RELB: variants seen among roughly 807,000 people sequenced by gnomAD.
RELB encodes the protein transcription factor RelB.
Under a neutral mutation model 55.4 loss-of-function variants are expected in RELB, and 14 were observed. The observed-to-expected ratio is 0.25, with a 90% CI of 0.17 to 0.40. The LOEUF is 0.40. RELB is among the 10% of genes least tolerant of loss of function. The probability of loss-of-function intolerance (pLI) is 1.00; values close to 1 mark genes in which losing one functional copy is unlikely to be tolerated. For synonymous variants in RELB, 409 were observed against 371.3 expected (o/e 1.10, Z -1.17); for missense variants, 669 against 830.7 (o/e 0.81, Z 2.39).
intron 11 of RELB, among the ~76,000 whole-genome samples, chr19:45,036,062 T>C (rs1176978301): frequency 1.3e-5 from 2 of 152,228 alleles, no homozygotes; most frequent in Middle Eastern, 3.4e-3. Context: ...AGGTTTGTCT[T>C]GTTCCAAAAA....
chr19:45,026,748 A>G (rs6509177), intron 7 of RELB, among the ~76,000 whole-genome samples: 59,857 of 151,906 alleles, frequency 0.39, 12,149 homozygotes, highest in South Asian at 0.58. Context: ...GCTTGGTCCC[A>G]TGGCCACTCC....
rs759228803 is a variant in RELB, at chr19:45,032,659, G to C, written c.1117G>C (p.Glu373Gln). ...TPPYEDLEIV[E>Q]PVTVNVFLQR... The stretch of plus-strand genomic sequence containing the variant: ...GCCCTACGAGGACCTGGAGATTGTC[G>C]AGCCCGTGACAGTCAACGTCTTCCT... Residue 373 changes from glutamate (E) to glutamine (Q), a missense_variant, in exon 9 of 12, where the codon GAG becomes CAG. Transcript: ENST00000221452. 6 of 1,611,990 alleles carry C rather than the reference G, an allele frequency of 3.7e-6. No individual in the cohort carries two copies. Among genetic ancestry groups the C allele is most frequent in the Non-Finnish European group, 3.4e-6 (4 of 1,179,214 alleles).
Position 45,012,137 on chromosome 19 carries a change from G to T in RELB, c.365G>T (p.Gly122Val). Residue 122 changes from glycine (G) to valine (V), a missense_variant, in exon 4 of 12, where the codon GGC becomes GTC. Gly to Val is a moderately radical substitution (Grantham distance 109, BLOSUM62 -3). Transcript: ENST00000221452. ...GRLVSPAPGP[G>V]PQPHLVITEQ... is the part of the protein sequence containing the mutation. ...CTAGTGTCCCCAGCGCCGGGCCCGG[G>T]CCCGCAGCCGCACCTGGTCATCACG... The T allele has an allele frequency of 6.4e-7, 1 of 1,558,196 alleles. No individual in the cohort carries two copies. The highest frequency in any genetic ancestry group is 2.5e-5 in the East Asian group (1 of 39,978).
intron 11 of RELB, among the ~76,000 whole-genome samples, chr19:45,036,823 C>T (rs1393904153): frequency 1.3e-5 from 2 of 152,162 alleles, no homozygotes; most frequent in Non-Finnish European, 2.9e-5. Context: ...GGACTACAGG[C>T]GGGCACCACC....
At chr19:45,012,894 C>T (rs1971380009) in intron 4 of RELB, among the ~76,000 whole-genome samples, 1 of 151,662 alleles carries the variant, frequency 6.6e-6, no homozygotes, top group Non-Finnish European at 1.5e-5. Flanking sequence ...ACAAAAAATA[C>T]AAAAATTAGC....
Position 45,037,941 on chromosome 19 carries a change from C to T in RELB, c.*151C>T, listed in dbSNP as rs879236850. 10 of 729,850 alleles carry T rather than the reference C, an allele frequency of 1.4e-5. No individual in the cohort carries two copies. The highest frequency in any genetic ancestry group is 3.4e-5 in the East Asian group (1 of 29,672). 45.2% of individuals were successfully genotyped at this position (729,850 alleles called of 1,614,324 possible). ...AGCCTTGGCGAGAAGCTCCGTTGCACGGGTTTCCCCTTGAGCCCATTTTAC... is the reference window on the plus strand; with the variant it reads ...AGCCTTGGCGAGAAGCTCCGTTGCATGGGTTTCCCCTTGAGCCCATTTTAC... On this transcript the variant is annotated 3_prime_UTR_variant, in exon 12 of 12. Coordinates refer to ENST00000221452, the MANE Select transcript of RELB (RefSeq NM_006509.4).
At chr19:45,008,453 C>T in intron 2 of RELB, 1 of 456,178 alleles carries the variant, frequency 2.2e-6, no homozygotes, top group Non-Finnish European at 4.4e-6. Flanking sequence ...TCTTTGGGTC[C>T]CCAGGTTCAT....
intron 7 of RELB, among the ~76,000 whole-genome samples, chr19:45,026,434 G>C (rs183271429): frequency 7.1e-4 from 107 of 151,608 alleles, no homozygotes; most frequent in African/African-American, 2.2e-3. Flanking sequence ...AAATTAGCTG[G>C]GCATGGTGGC....
chr19:45,011,480 G>A (rs977936672), intron 3 of RELB, among the ~76,000 whole-genome samples: 10 of 151,112 alleles, frequency 6.6e-5, no homozygotes, highest in African/African-American at 2.2e-4. Flanking sequence ...ATTGAGAGAC[G>A]GAGTCTCACT....
chr19:45,003,909 TTTTGTG>T (rs1971247055), intron 2 of RELB, among the ~76,000 whole-genome samples: 1 of 125,374 alleles, frequency 8.0e-6, no homozygotes, highest in African/African-American at 3.2e-5. Context: ...TTTGTCTGTT[TTTTGTG>T]TTTTTTTTTT....
chr19:45,033,837 C>T (rs1971654473), intron 9 of RELB, among the ~76,000 whole-genome samples: 1 of 151,182 alleles, frequency 6.6e-6, no homozygotes, highest in African/African-American at 2.4e-5. Context: ...GCCACCACGC[C>T]CAGCCAAGAC....
intron 2 of RELB, chr19:45,008,756 G>A (rs970212460): frequency 2.7e-5 from 9 of 328,238 alleles, no homozygotes; most frequent in Non-Finnish European, 4.9e-5. Context: ...AGAGACCAGC[G>A]CAGGCAGCCC....
At position 45,025,541 on chromosome 19, in the gene RELB, T is replaced by C. The variant is rs2288918; in HGVS notation, c.755-65T>C. 0.41 allele frequency: 648,375 copies of C among 1,597,104 alleles called. 134,311 individuals carry two copies. The highest frequency in any genetic ancestry group is 0.59 in the South Asian group (52,819 of 90,236). On this transcript the variant is annotated intron_variant, in intron 6 of 11. Transcript: ENST00000221452. ...CTCCTCCAGCCCCATCCCTTCCCCGTTCCCCTGTACCCCAGAGAGGGTCTC... is the reference window on the plus strand; with the variant it reads ...CTCCTCCAGCCCCATCCCTTCCCCGCTCCCCTGTACCCCAGAGAGGGTCTC...
intron 4 of RELB, among the ~76,000 whole-genome samples, chr19:45,012,983 A>C (rs35714824): frequency 2.1e-3 from 313 of 152,026 alleles, no homozygotes; most frequent in African/African-American, 6.9e-3. Flanking sequence ...CTAGGAGGTC[A>C]AGGCTACAGT....
Position 45,012,125 on chromosome 19 carries a change from C to A in RELB, c.353C>A (p.Ala118Glu), listed in dbSNP as rs773854408. Residue 118 changes from alanine to glutamate, a missense_variant, in exon 4 of 12, where the codon GCG (alanine) becomes GAG (glutamate). Transcript: ENST00000221452. ...GCPLGRLVSPAPGPGPQPHLV... is the reference protein window; with the variant it reads ...GCPLGRLVSPEPGPGPQPHLV... ...CCCCTGGGCCGACTAGTGTCCCCAG[C>A]GCCGGGCCCGGGCCCGCAGCCGCAC... The A allele has an allele frequency of 1.3e-6, 2 of 1,555,200 alleles. No homozygotes were observed. Among genetic ancestry groups the A allele is most frequent in the Non-Finnish European group, 1.7e-6 (2 of 1,159,566 alleles).
At chr19:45,021,128 C>A (rs1013428645) in intron 4 of RELB, among the ~76,000 whole-genome samples, 1 of 151,216 alleles carries the variant, frequency 6.6e-6, no homozygotes, top group African/African-American at 2.4e-5. Context: ...GAGCTGAGAT[C>A]TCCCGCCACC....
At chr19:45,030,958 C>A (rs1568404324) in intron 8 of RELB, among the ~76,000 whole-genome samples, 2 of 152,206 alleles carry the variant, frequency 1.3e-5, no homozygotes, top group Admixed American at 6.6e-5. Flanking sequence ...CTTCACCTCT[C>A]TGTGCCTTCA....
chr19:45,016,957 G>C (rs1971426711), intron 4 of RELB, among the ~76,000 whole-genome samples: 1 of 152,174 alleles, frequency 6.6e-6, no homozygotes. Flanking sequence ...TCTTTGGCAG[G>C]ATGTTCAGAA....
intron 1 of RELB, among the ~76,000 whole-genome samples, chr19:45,002,338 T>A (rs183407765): frequency 4.0e-5 from 6 of 151,352 alleles, no homozygotes; most frequent in African/African-American, 1.5e-4. Context: ...CAGGAGGATG[T>A]TTTTTTTTGT....
Sources: allele counts gnomAD v4.1 joint callset (sites outside exome capture counted in the v4.1 genomes callset), GRCh38; gene constraint gnomAD v4.1.1; transcripts MANE v1.5; gene names NCBI Gene and HGNC (gene_info 2026-07-23, HGNC 2026-07-21).